The following INO80 variants were observed in gnomAD, a reference collection of about 807,000 sequenced individuals.
INO80 encodes the protein chromatin-remodeling ATPase INO80.
INO80 carries 20 observed loss-of-function variants against 203.4 expected under a neutral mutation model. The ratio of observed to expected loss-of-function variants is 0.10; its 90% CI spans 0.07 to 0.14. The LOEUF (loss-of-function observed/expected upper bound fraction) is 0.14, where lower values mean the gene tolerates loss of function less well. Ranked by LOEUF, INO80 falls within the 10% of genes least tolerant of loss-of-function variation. INO80 has a pLI of 1.00. For synonymous variants in INO80, 726 were observed against 685.2 expected (o/e 1.06, Z -0.93); for missense variants, 1,419 against 1,914.4 (o/e 0.74, Z 4.83).
chr15:41,066,270 AC>A (rs1473198695), intron 14 of INO80, among the ~76,000 whole-genome samples: 1 of 151,602 alleles, frequency 6.6e-6, no homozygotes, highest in Non-Finnish European at 1.5e-5. Context: ...GAGCCACCGC[AC>A]CCGGCCCATT....
intron 28 of INO80, among the ~76,000 whole-genome samples, chr15:41,000,472 G>GA (rs2043943848): frequency 1.3e-5 from 2 of 152,074 alleles, no homozygotes; most frequent in Non-Finnish European, 2.9e-5. Flanking sequence ...GAGGTGGGTA[G>GA]ATCACTTGAG....
chr15:41,087,841 TACTTA>T (rs2045583970), intron 5 of INO80, among the ~76,000 whole-genome samples, 159 bp from the exon 6 acceptor site: 1 of 152,150 alleles, frequency 6.6e-6, no homozygotes, highest in Non-Finnish European at 1.5e-5. Context: ...GGGAATCACT[TACTTA>T]ACTTCAAACA....
chr15:41,054,025 G>A lies in INO80; in HGVS notation c.2189-11C>T, dbSNP rs368975036. ...AGCGAGAAAGTTGATCTGAAATGCCGGGAGGCCCCCAAATAATACATTATA... is the reference window on the plus strand; with the variant it reads ...AGCGAGAAAGTTGATCTGAAATGCCAGGAGGCCCCCAAATAATACATTATA... On this transcript the variant is annotated splice_polypyrimidine_tract_variant and intron_variant, in intron 18 of 35. Coordinates refer to ENST00000648947, the MANE Select transcript of INO80 (RefSeq NM_017553.3). The A allele has an allele frequency of 3.4e-5, 55 of 1,608,162 alleles. No homozygotes were observed. Among genetic ancestry groups the A allele is most frequent in the African/African-American group, 3.2e-4 (24 of 74,774 alleles).
At chr15:41,096,570 G>A (rs74012203) in intron 1 of INO80, among the ~76,000 whole-genome samples, 4,214 of 152,166 alleles carry the variant, frequency 0.028, 186 homozygotes, top group African/African-American at 0.096. Flanking sequence ...TAAAAATACA[G>A]CAACACAGTT....
chr15:41,016,111 T>A lies in INO80; in HGVS notation c.3379A>T (p.Thr1127Ser). ...GHRVLIYSQMTRMIDLLEEYM... is the reference protein window; with the variant it reads ...GHRVLIYSQMSRMIDLLEEYM... ...ACCTCCAGTAGGTCTATCATCCTGGTCATCTGGGAGTAGATAAGGACCCTA... is the reference window on the plus strand; with the variant it reads ...ACCTCCAGTAGGTCTATCATCCTGGACATCTGGGAGTAGATAAGGACCCTA... Residue 1127 changes from threonine (T) to serine (S), a missense_variant, in exon 27 of 36, where the codon ACC (threonine) becomes TCC (serine). This residue lies in a region of INO80 where 65 missense variants were observed against 186.7 expected (regional missense o/e 0.35). Coordinates refer to ENST00000648947, the MANE Select transcript of INO80 (RefSeq NM_017553.3). The A allele has an allele frequency of 6.2e-7, 1 of 1,613,582 alleles. No individual in the cohort carries two copies. The highest frequency in any genetic ancestry group is 8.5e-7 in the Non-Finnish European group (1 of 1,179,620).
At chr15:41,027,810 A>C in intron 24 of INO80, 74 bp from the exon 25 acceptor site, 1 of 1,153,952 alleles carries the variant, frequency 8.7e-7, no homozygotes, top group Non-Finnish European at 1.2e-6. Context: ...AAAAAGCCAC[A>C]TATTAAACAT....
intron 6 of INO80, among the ~76,000 whole-genome samples, chr15:41,086,548 G>A (rs552229614): frequency 3.5e-4 from 53 of 152,056 alleles, no homozygotes; most frequent in African/African-American, 1.2e-3. Flanking sequence ...CTACTCGGGA[G>A]GCTGAGGCAT....
At chr15:41,037,433 G>A (rs948822166) in intron 24 of INO80, among the ~76,000 whole-genome samples, 7 of 152,050 alleles carry the variant, frequency 4.6e-5, no homozygotes, top group Admixed American at 4.6e-4. Flanking sequence ...GAACCCAGGA[G>A]GCAGAGGTTG....
intron 35 of INO80, among the ~76,000 whole-genome samples, chr15:40,982,068 G>GT (rs1893852079): frequency 6.6e-6 from 1 of 152,230 alleles, no homozygotes; most frequent in Non-Finnish European, 1.5e-5. Context: ...GTGGATTGCT[G>GT]TTAAGAGTAC....
At chr15:40,998,516 C>T (rs960445770) in intron 28 of INO80, among the ~76,000 whole-genome samples, 15 of 152,290 alleles carry the variant, frequency 9.8e-5, no homozygotes, top group African/African-American at 3.6e-4. Flanking sequence ...TTCTCAGTTT[C>T]CTTCTACTTC....
intron 29 of INO80, among the ~76,000 whole-genome samples, chr15:40,996,676 A>G (rs2043885985): frequency 6.6e-6 from 1 of 152,190 alleles, no homozygotes; most frequent in Non-Finnish European, 1.5e-5. Flanking sequence ...CTGCAAGAAG[A>G]CTGGGTAGGA....
chr15:41,023,125 A>G (rs1196012176), intron 25 of INO80: 1 of 361,282 alleles, frequency 2.8e-6, no homozygotes, highest in Non-Finnish European at 5.4e-6. Context: ...AAAAGTTAAA[A>G]AAAGAAGGAA....
chr15:40,998,106 C>T (rs2043905867), intron 28 of INO80, among the ~76,000 whole-genome samples: 1 of 147,026 alleles, frequency 6.8e-6, no homozygotes, highest in African/African-American at 2.5e-5. Flanking sequence ...ACTGCAACCT[C>T]TGCCTCCTGG....
At chr15:41,059,999 G>T in intron 14 of INO80, 73 bp from the exon 15 acceptor site, 3 of 1,035,480 alleles carry the variant, frequency 2.9e-6, no homozygotes, top group Middle Eastern at 2.1e-4. Context: ...TATATAATTC[G>T]GAACAATTTA....
At chr15:41,073,278 C>A (rs371934784) in intron 11 of INO80, 150 bp downstream of exon 11, 8 of 651,224 alleles carry the variant, frequency 1.2e-5, no homozygotes, top group East Asian at 2.7e-5. Context: ...AGCTCCACCC[C>A]CTACACACAG....
chr15:41,104,206 CAA>C (rs35510472), intron 1 of INO80, among the ~76,000 whole-genome samples: 708 of 41,428 alleles, frequency 0.017, 3 homozygotes, highest in African/African-American at 0.042. Flanking sequence ...AACTCCATCT[CAA>C]AAAAAAAAAA....
At chr15:41,003,916 T>C (rs1227156230) in intron 28 of INO80, among the ~76,000 whole-genome samples, 1 of 152,170 alleles carries the variant, frequency 6.6e-6, no homozygotes, top group Non-Finnish European at 1.5e-5. Context: ...TGAGGAAACA[T>C]ACAGTCTATA....
chr15:41,016,236 T>A (rs2044207833), intron 26 of INO80, 21 bp from the exon 27 acceptor site: 1 of 1,609,622 alleles, frequency 6.2e-7, no homozygotes, highest in Non-Finnish European at 8.5e-7. Context: ...GAAAAGGGGG[T>A]GAGGGGGAAC....
At chr15:41,067,050 T>C (rs892203508) in intron 14 of INO80, among the ~76,000 whole-genome samples, 2 of 152,062 alleles carry the variant, frequency 1.3e-5, no homozygotes, top group African/African-American at 2.4e-5. Context: ...CTTAAGTGGT[T>C]TGGTGAAAAA....
Sources: allele counts gnomAD v4.1 joint callset (sites outside exome capture counted in the v4.1 genomes callset), GRCh38; gene constraint gnomAD v4.1.1; regional missense constraint gnomAD v4.1.1; transcripts MANE v1.5; gene names NCBI Gene and HGNC (gene_info 2026-07-23, HGNC 2026-07-21).